Variants in DNPEP observed in about 807,000 individuals in gnomAD.
The protein encoded by DNPEP is aspartyl aminopeptidase.
In DNPEP, 46 loss-of-function variants were observed where a neutral mutation model predicts 59.1. That is an observed-to-expected ratio of 0.78 (90% CI 0.61 to 0.99). The LOEUF (loss-of-function observed/expected upper bound fraction) is 0.99. Ranked by LOEUF, DNPEP falls within the 50% of genes least tolerant of loss-of-function variation. The pLI is 0.00. For synonymous variants in DNPEP, 229 were observed against 242.2 expected, an observed-to-expected ratio of 0.95 and a Z score of 0.50; for missense variants, 617 against 649.9, an observed-to-expected ratio of 0.95 and a Z score of 0.55.
intron 9 of DNPEP, among the ~76,000 whole-genome samples, chr2:219,384,112 C>T (rs939026540): frequency 6.6e-6 from 1 of 152,226 alleles, no homozygotes; most frequent in African/African-American, 2.4e-5. Flanking sequence ...GACAAGAGAC[C>T]ATGGTGCCTG....
Position 219,386,784 on chromosome 2 carries a change from G to A in DNPEP, c.220-6C>T. 1 of 1,612,740 alleles carries A rather than the reference G, an allele frequency of 6.2e-7. No homozygotes were observed. Among genetic ancestry groups the A allele is most frequent in the Non-Finnish European group, 8.5e-7 (1 of 1,179,188 alleles). The stretch of plus-strand genomic sequence containing the variant: ...GAGTTCCTGGTCATGAAGTACTGAG[G>A]AGAAGGGGAGGAAAGACAGGGGTGT... On this transcript the variant is annotated splice_region_variant and splice_polypyrimidine_tract_variant and intron_variant, in intron 3 of 14. Transcript: ENST00000273075.
In DNPEP at chr2:219,374,865, G is replaced by A. The variant is rs1360866665; in HGVS notation, c.1397C>T (p.Thr466Ile). The A allele has an allele frequency of 1.2e-5, 19 of 1,613,732 alleles. No homozygotes were observed. The highest frequency in any genetic ancestry group is 4.5e-5 in the East Asian group (2 of 44,880). The part of the protein sequence containing the change: ...ACTTGVLQTL[T>I]LFKGFFELFP... The stretch of plus-strand genomic sequence containing the variant: ...TGGGGTGGGTGTTACCTTGAAGAGG[G>A]TGAGGGTCTGGAGGACTCCTGTGGT... Residue 466 changes from threonine (T) to isoleucine (I), a missense_variant, in exon 14 of 15, where the codon ACC (threonine) becomes ATC (isoleucine). Physicochemically the swap from Thr to Ile is moderately conservative, Grantham distance 89. Coordinates refer to ENST00000273075, the MANE Select transcript of DNPEP (RefSeq NM_012100.4).
chr2:219,382,194 G>A, intron 10 of DNPEP, 55 bp from the exon 11 acceptor site: 1 of 1,569,538 alleles, frequency 6.4e-7, no homozygotes, highest in South Asian at 1.1e-5. Context: ...CCTGATCTTG[G>A]AAGCCAGTGA....
intron 1 of DNPEP, among the ~76,000 whole-genome samples, chr2:219,397,595 CTG>C (rs1954120092): frequency 6.6e-6 from 1 of 152,156 alleles, no homozygotes; most frequent in African/African-American, 2.4e-5. Flanking sequence ...CACACGGACA[CTG>C]TGCAAAAACA....
At position 219,380,202 on chromosome 2, in the gene DNPEP, CTTTTTTT is replaced by C. The variant is rs71040453; in HGVS notation, c.1239+1126_1239+1132del. On this transcript the variant is annotated intron_variant, in intron 13 of 14. Coordinates refer to ENST00000273075, the MANE Select transcript of DNPEP (RefSeq NM_012100.4). ...TTCCTGTAACTTTTCTTTTTCTTTT[CTTTTTTT>C]TTTTTTTTTGGTTTTGTTTTTTTGG... Among the ~76,000 whole-genome samples the C allele has an allele frequency of 3.9e-5, 5 of 129,198 alleles. 1 individual carries two copies. In the East Asian group the frequency reaches 9.2e-4, roughly 24 times the overall value. The allele number at this position is 129,198 out of a possible 152,430, so 84.8% of individuals were successfully genotyped here.
rs1574990195 is a variant in DNPEP, at chr2:219,386,600, G to C, written c.333+65C>G. 5.3e-6 allele frequency: 8 copies of C among 1,506,726 alleles called. No individual in the cohort carries two copies. The East Asian group carries it at 1.8e-4, about 35-fold the overall frequency. 93.3% of individuals were successfully genotyped at this position (1,506,726 alleles called of 1,614,324 possible). ...TAGAGGCCCCAGTTTGTACCTCCTAGTTCTCTTTTGCCCTGTACTCCCTCT... is the reference window on the plus strand; with the variant it reads ...TAGAGGCCCCAGTTTGTACCTCCTACTTCTCTTTTGCCCTGTACTCCCTCT... On this transcript the variant is annotated intron_variant, in intron 4 of 14. Transcript: ENST00000273075.
At chr2:219,386,193 G>A (rs1291905795) in intron 5 of DNPEP, 93 bp downstream of exon 5, 33 of 1,609,202 alleles carry the variant, frequency 2.1e-5, no homozygotes, top group Non-Finnish European at 2.7e-5. Context: ...CCTCTGACCA[G>A]ACTGCCCCCA....
At chr2:219,388,376 G>A (rs977755622), upstream of DNPEP, 2 of 12,122 alleles carry the variant, frequency 1.6e-4, no homozygotes, top group East Asian at 1.5e-3. Context: ...CGCCCACCCC[G>A]CCCCGCTCCT....
chr2:219,387,561 CTCTCTCGCACCCACCTAG>C, intron 1 of DNPEP, 180 bp downstream of exon 1: 2 of 1,354,376 alleles, frequency 1.5e-6, no homozygotes, highest in Non-Finnish European at 1.9e-6. Flanking sequence ...ACCCTGACTC[CTCTCTCGCACCCACCTAG>C]TCTCTCGCAG....
At chr2:219,396,475 C>G (rs2125153883) in intron 1 of DNPEP, among the ~76,000 whole-genome samples, 1 of 151,918 alleles carries the variant, frequency 6.6e-6, no homozygotes, top group South Asian at 2.1e-4. Context: ...GTAATCCCAG[C>G]TACTAGGGAG....
rs1370825646 is a variant in DNPEP, at chr2:219,386,790, G to A, written c.220-12C>T. ...CTGGTCATGAAGTACTGAGGAGAAG[G>A]GGAGGAAAGACAGGGGTGTGAGTTG... On this transcript the variant is annotated splice_polypyrimidine_tract_variant and intron_variant, in intron 3 of 14. Transcript: ENST00000273075. 1.2e-6 allele frequency: 2 copies of A among 1,611,948 alleles called. No individual in the cohort carries two copies. Among genetic ancestry groups the A allele is most frequent in the Non-Finnish European group, 1.7e-6 (2 of 1,178,454 alleles).
intron 6 of DNPEP, 46 bp downstream of exon 6, chr2:219,385,922 C>G (rs1354289009): frequency 1.9e-6 from 3 of 1,607,054 alleles, no homozygotes; most frequent in Admixed American, 1.7e-5. Context: ...TCACCTGGTA[C>G]CATTCTCCAT....
At chr2:219,381,606 C>T (rs751959962) in intron 11 of DNPEP, 22 bp from the exon 12 acceptor site, 3 of 1,613,698 alleles carry the variant, frequency 1.9e-6, no homozygotes, top group African/African-American at 2.7e-5. Flanking sequence ...AGATAAGGGC[C>T]AGACATAGCA....
At chr2:219,388,577 C>G, upstream of DNPEP, 1 of 467,030 alleles carries the variant, frequency 2.1e-6, no homozygotes, top group South Asian at 8.9e-5. Context: ...GTCACCCACG[C>G]CGCGCGACCC....
intron 13 of DNPEP, among the ~76,000 whole-genome samples, chr2:219,379,894 G>C (rs938463930): frequency 6.7e-6 from 1 of 150,120 alleles, no homozygotes; most frequent in African/African-American, 2.5e-5. Context: ...CTCCAGCCTG[G>C]GTGACAGAGT....
chr2:219,375,287 C>A (rs1953325825), intron 13 of DNPEP, among the ~76,000 whole-genome samples: 1 of 152,128 alleles, frequency 6.6e-6, no homozygotes, highest in South Asian at 2.1e-4. Context: ...ATCCTTGTCA[C>A]CCTCTTGCTT....
upstream of DNPEP, among the ~76,000 whole-genome samples, chr2:219,392,855 T>C (rs1015850057): frequency 1.3e-5 from 2 of 152,188 alleles, no homozygotes; most frequent in Non-Finnish European, 2.9e-5. Context: ...TCCTCACTCC[T>C]GTCTTCATGA....
rs1035982213 is a variant in DNPEP, at chr2:219,372,999, G to A, written c.*1293C>T. Among the ~76,000 whole-genome samples the A allele has an allele frequency of 1.3e-5, 2 of 151,996 alleles. No individual in the cohort carries two copies. Among genetic ancestry groups the A allele is most frequent in the Non-Finnish European group, 2.9e-5 (2 of 68,004 alleles). On this transcript the variant is annotated 3_prime_UTR_variant, in exon 15 of 15. Coordinates refer to ENST00000273075, the MANE Select transcript of DNPEP (RefSeq NM_012100.4). ...TATATAGGTATCAAAAAGATTGGAA[G>A]GACACCAGTTTGCACAATTATTTTA...
chr2:219,375,170 C>T lies in DNPEP; in HGVS notation c.1240-148G>A, dbSNP rs144008502. 1.1e-3 allele frequency: 867 copies of T among 788,954 alleles called. 4 individuals carry two copies. The African/African-American group carries it at 0.013, about 12-fold the overall frequency. 48.9% of individuals were successfully genotyped at this position (788,954 alleles called of 1,614,324 possible). On this transcript the variant is annotated intron_variant, in intron 13 of 14. Transcript: ENST00000273075. Reference sequence around the variant, plus strand: ...TCAAAGCCAATGCTAAATGGCAGACCCCAAAGGACAATATATTCTGAATTG... The same window carrying T: ...TCAAAGCCAATGCTAAATGGCAGACTCCAAAGGACAATATATTCTGAATTG...
Sources: allele counts gnomAD v4.1 joint callset (sites outside exome capture counted in the v4.1 genomes callset), GRCh38; gene constraint gnomAD v4.1.1; transcripts MANE v1.5; gene names NCBI Gene and HGNC (gene_info 2026-07-23, HGNC 2026-07-21).